Variants in CLYBL observed in about 807,000 individuals in gnomAD.
CLYBL encodes citramalyl-CoA lyase.
Under a neutral mutation model 38.9 loss-of-function variants are expected in CLYBL, and 31 were observed. That is an observed-to-expected ratio of 0.80 (90% confidence interval 0.60 to 1.08). The LOEUF (loss-of-function observed/expected upper bound fraction) is 1.08. CLYBL is among the 50% of genes least tolerant of loss of function. CLYBL has a pLI of 0.00. For synonymous variants in CLYBL, 171 were observed against 158.6 expected (o/e 1.08, Z -0.59); for missense variants, 434 against 411.6 (o/e 1.05, Z -0.47).
chr13:99,638,001 T>C (rs998327300), intron 1 of CLYBL, among the ~76,000 whole-genome samples: 4 of 148,934 alleles, frequency 2.7e-5, no homozygotes, highest in Non-Finnish European at 5.9e-5. Context: ...TCTTGCTCTG[T>C]CGCCTAGGCT....
chr13:99,817,935 T>A (rs1594201538), intron 2 of CLYBL, among the ~76,000 whole-genome samples: 1 of 151,050 alleles, frequency 6.6e-6, no homozygotes, highest in African/African-American at 2.4e-5. Context: ...GCCTGGGAGG[T>A]CAAGGCTGCA....
chr13:99,885,053 C>T (rs2152126990), intron 7 of CLYBL: 2 of 528,374 alleles, frequency 3.8e-6, no homozygotes, highest in South Asian at 2.9e-5. Context: ...CAGAGCATCT[C>T]CCGTGTACCT....
intron 2 of CLYBL, among the ~76,000 whole-genome samples, chr13:99,820,109 T>C (rs912467042): frequency 6.6e-6 from 1 of 152,218 alleles, no homozygotes; most frequent in African/African-American, 2.4e-5. Flanking sequence ...GTCCCATCTA[T>C]GCTGTGTCTC....
At chr13:99,676,107 C>T (rs890446429) in intron 1 of CLYBL, among the ~76,000 whole-genome samples, 19 of 152,278 alleles carry the variant, frequency 1.2e-4, no homozygotes, top group Non-Finnish European at 1.3e-4. Context: ...CTGCCCGCCT[C>T]GGCCTCCCAT....
intron 2 of CLYBL, among the ~76,000 whole-genome samples, chr13:99,812,295 A>G (rs1430155221): frequency 6.6e-6 from 1 of 152,240 alleles, no homozygotes; most frequent in East Asian, 1.9e-4. Context: ...CTCACAGTCC[A>G]GTAGAAAAAC....
intron 1 of CLYBL, among the ~76,000 whole-genome samples, chr13:99,610,345 C>G (rs1365181700): frequency 1.3e-5 from 2 of 152,128 alleles, no homozygotes; most frequent in African/African-American, 4.8e-5. Flanking sequence ...GTCATACTTT[C>G]TTTTCGTTGC....
At chr13:99,622,106 C>T (rs959055552) in intron 1 of CLYBL, among the ~76,000 whole-genome samples, 1 of 152,228 alleles carries the variant, frequency 6.6e-6, no homozygotes, top group Non-Finnish European at 1.5e-5. Flanking sequence ...CTCCCCATTG[C>T]TGCCATCTCT....
intron 6 of CLYBL, among the ~76,000 whole-genome samples, chr13:99,867,924 G>A (rs2051789556): frequency 6.6e-6 from 1 of 152,178 alleles, no homozygotes; most frequent in African/African-American, 2.4e-5. Context: ...GGGAGCTGGA[G>A]AGTGTCTCCA....
At chr13:99,814,377 C>T (rs1323971354) in intron 2 of CLYBL, among the ~76,000 whole-genome samples, 1 of 152,128 alleles carries the variant, frequency 6.6e-6, no homozygotes, top group Non-Finnish European at 1.5e-5. Context: ...GGAACTTAAC[C>T]TCCTAGAGTT....
intron 1 of CLYBL, among the ~76,000 whole-genome samples, chr13:99,611,355 A>G (rs1005618434): frequency 6.6e-6 from 1 of 152,142 alleles, no homozygotes; most frequent in African/African-American, 2.4e-5. Flanking sequence ...TAGAGTTTTG[A>G]TCGAGTGGAT....
At chr13:99,675,336 GTC>G (rs1273112889) in intron 1 of CLYBL, among the ~76,000 whole-genome samples, 1 of 152,134 alleles carries the variant, frequency 6.6e-6, no homozygotes, top group East Asian at 1.9e-4. Context: ...TACTTTATGT[GTC>G]TATATCAGCT....
chr13:99,832,995 C>CATATATATATATAT (rs1566345599), intron 2 of CLYBL, among the ~76,000 whole-genome samples: 6 of 46,090 alleles, frequency 1.3e-4, no homozygotes, highest in South Asian at 1.0e-3. Context: ...GTAGTATATA[C>CATATATATATATAT]ATACATACAT....
chr13:99,750,972 A>G lies in CLYBL; in HGVS notation c.63-21852A>G, dbSNP rs544360815. On this transcript the variant is annotated intron_variant, in intron 1 of 8. Coordinates refer to ENST00000339105, the MANE Select transcript of CLYBL (RefSeq NM_206808.5). ...ATGGCAATTCCTCAAACAATTGAAC[A>G]TAGAATTACCAGATGATCCAGCAGT... Among the ~76,000 whole-genome samples, 8 of 152,312 alleles carry G rather than the reference A, an allele frequency of 5.3e-5. 2 individuals carry two copies. Among genetic ancestry groups the G allele is most frequent in the Middle Eastern group, 3.4e-3 (1 of 294 alleles).
chr13:99,868,387 A>G (rs1271831323), intron 6 of CLYBL, among the ~76,000 whole-genome samples: 1 of 152,112 alleles, frequency 6.6e-6, no homozygotes. Flanking sequence ...TGGGCCTTGC[A>G]CAAGGAGAAG....
At chr13:99,908,424 A>G (rs1460167059) in exon 10 of CLYBL, among the ~76,000 whole-genome samples, 3 of 152,206 alleles carry the variant, frequency 2.0e-5, no homozygotes, top group African/African-American at 7.2e-5. Flanking sequence ...TCACTTAATA[A>G]TGCTTGAAGC....
At chr13:99,805,198 G>A (rs1347795126) in intron 2 of CLYBL, among the ~76,000 whole-genome samples, 1 of 152,124 alleles carries the variant, frequency 6.6e-6, no homozygotes, top group African/African-American at 2.4e-5. Context: ...ACTTTCGGCT[G>A]TTGTAAATAT....
intron 1 of CLYBL, among the ~76,000 whole-genome samples, chr13:99,617,137 G>C (rs57931339): frequency 6.6e-6 from 1 of 152,114 alleles, no homozygotes; most frequent in South Asian, 2.1e-4. Flanking sequence ...ACACTTTTCA[G>C]TATTAATATT....
chr13:99,788,844 G>A (rs1371665724), intron 2 of CLYBL, among the ~76,000 whole-genome samples: 2 of 152,086 alleles, frequency 1.3e-5, no homozygotes, highest in Non-Finnish European at 2.9e-5. Flanking sequence ...ACTTTTTTTG[G>A]TTTGTAAGCT....
At chr13:99,672,702 TG>T (rs2139367834) in intron 1 of CLYBL, among the ~76,000 whole-genome samples, 1 of 151,982 alleles carries the variant, frequency 6.6e-6, no homozygotes, top group East Asian at 1.9e-4. Context: ...CCCAGGAGGT[TG>T]AGGCTGTAGT....
Sources: gnomAD v4.1 joint callset for allele counts (sites outside exome capture counted in the v4.1 genomes callset) on GRCh38, gnomAD v4.1.1 for gene constraint, MANE v1.5 for transcripts, NCBI Gene and HGNC (gene_info 2026-07-23, HGNC 2026-07-21) for gene names.